Variants in RGS12 observed in about 807,000 individuals in gnomAD.
The protein encoded by RGS12 is regulator of G-protein signaling 12.
RGS12 carries 66 observed loss-of-function variants against 120.1 expected under a neutral mutation model. The ratio of observed to expected loss-of-function variants is 0.55; its 90% CI spans 0.45 to 0.67. The LOEUF (loss-of-function observed/expected upper bound fraction) is 0.67. Ranked by LOEUF, RGS12 falls within the 30% of genes least tolerant of loss-of-function variation. The probability of loss-of-function intolerance (pLI) is 0.00; values close to 1 mark genes in which losing one functional copy is unlikely to be tolerated. For missense variants in RGS12, 1,859 were observed against 1,957.7 expected, an observed-to-expected ratio of 0.95 and a Z score of 0.95; for synonymous variants, 827 against 804.7, an observed-to-expected ratio of 1.03 and a Z score of -0.47.
intron 3 of RGS12, among the ~76,000 whole-genome samples, chr4:3,377,462 G>GT (rs1452116102): frequency 2.0e-5 from 3 of 152,052 alleles, no homozygotes; most frequent in South Asian, 4.1e-4. Flanking sequence ...CCTTTGGTCC[G>GT]TTTTTTTAGG....
At chr4:3,422,734 C>G (rs1723158114) in intron 11 of RGS12, among the ~76,000 whole-genome samples, 164 bp downstream of exon 11, 1 of 152,232 alleles carries the variant, frequency 6.6e-6, no homozygotes, top group Non-Finnish European at 1.5e-5. Context: ...CTGCTGGGAG[C>G]ACTTTGCACG....
In RGS12 at chr4:3,374,586, C is replaced by CCCTCA. The variant is rs1717431818; in HGVS notation, c.1999-11829_1999-11825dup. Among the ~76,000 whole-genome samples the CCCTCA allele has an allele frequency of 6.6e-6, 1 of 152,038 alleles. No homozygotes were observed. Among genetic ancestry groups the CCCTCA allele is most frequent in the African/African-American group, 2.4e-5 (1 of 41,396 alleles). On this transcript the variant is annotated intron_variant, in intron 3 of 17. Coordinates refer to ENST00000336727, the MANE Select transcript of RGS12 (RefSeq NM_001394154.1). This position sits in a 1 kb window ranked among gnomAD's most constrained non-coding sequence, Gnocchi z 6.3. ...CTCCCCTCGCCTCCAGTGTACCCCTCCCTCAGTCTGCCACATCTCAGGAAG... is the reference window on the plus strand; with the variant it reads ...CTCCCCTCGCCTCCAGTGTACCCCTCCCTCACCTCAGTCTGCCACATCTCAGGAAG...
intron 2 of RGS12, among the ~76,000 whole-genome samples, chr4:3,332,021 G>C (rs546646344): frequency 6.6e-6 from 1 of 152,334 alleles, no homozygotes; most frequent in African/African-American, 2.4e-5. Context: ...GGGCTGGGAA[G>C]CAGTGGACAG....
intron 17 of RGS12, among the ~76,000 whole-genome samples, chr4:3,438,521 C>A (rs965221446): frequency 6.6e-6 from 1 of 152,064 alleles, no homozygotes; most frequent in Non-Finnish European, 1.5e-5. Context: ...GAGCTCCGGG[C>A]GGCACATGAA....
rs912849096 is a variant in RGS12, at chr4:3,431,659, C to T, written c.4114+704C>T. 1.2e-5 allele frequency: 12 copies of T among 985,546 alleles called. No homozygotes were observed. The South Asian group carries it at 1.4e-4, about 12-fold the overall frequency. The allele number at this position is 985,546 out of a possible 1,614,324, so 61.1% of individuals were successfully genotyped here. A position where few individuals can be genotyped will look rare whatever the true frequency, so the allele number is the denominator to read the frequency against. On this transcript the variant is annotated intron_variant, in intron 17 of 17. Coordinates refer to ENST00000336727, the MANE Select transcript of RGS12 (RefSeq NM_001394154.1). ...AAACTGAGGCGAGGCTCCCAGCAGC[C>T]GGTAGGGAAAGGTGTTTCCAGGGGT...
chr4:3,413,241 C>T (rs148561354), intron 4 of RGS12: 1 of 150,924 alleles, frequency 6.6e-6, no homozygotes, highest in South Asian at 2.1e-4. Flanking sequence ...GGGTGATGAA[C>T]GGGGATTTCC....
intron 3 of RGS12, among the ~76,000 whole-genome samples, chr4:3,373,731 T>C (rs985643752): frequency 6.6e-6 from 1 of 152,172 alleles, no homozygotes; most frequent in African/African-American, 2.4e-5. Flanking sequence ...CCCAGACCTC[T>C]GTTGCCCTGA....
the RGS12 span, among the ~76,000 whole-genome samples, chr4:3,287,186 C>T: frequency 2.0e-5 from 3 of 152,214 alleles, no homozygotes; most frequent in African/African-American, 7.2e-5. Context: ...CCCGGGAGGG[C>T]GGCGTTTGCG....
Position 3,340,895 on chromosome 4 carries a change from G to A in RGS12, c.1882-2042G>A, listed in dbSNP as rs576755649. Among the ~76,000 whole-genome samples, 3 of 152,262 alleles carry A rather than the reference G, an allele frequency of 2.0e-5. No individual in the cohort carries two copies. The South Asian group carries it at 6.2e-4, about 32-fold the overall frequency. ...CTTGGAGTGAGCTGGCAACTGTGGC[G>A]CCTCAGCTTGGAGTGTGCTTGACAC... On this transcript the variant is annotated intron_variant, in intron 2 of 17. Coordinates refer to ENST00000336727, the MANE Select transcript of RGS12 (RefSeq NM_001394154.1).
chr4:3,341,890 G>A (rs1334028241), intron 2 of RGS12, among the ~76,000 whole-genome samples: 1 of 149,834 alleles, frequency 6.7e-6, no homozygotes, highest in Admixed American at 6.6e-5. Flanking sequence ...GTGTGGGGCT[G>A]GGCCGTGACA....
At position 3,417,393 on chromosome 4, in the gene RGS12, T is replaced by G; in HGVS notation, c.2613T>G (p.Ser871Arg). 1 of 1,570,168 alleles carries G rather than the reference T, an allele frequency of 6.4e-7. No homozygotes were observed. The highest frequency in any genetic ancestry group is 1.4e-5 in the African/African-American group (1 of 72,814). ...HSSVSTPKKL[S>R]GKSKSGRSLN... ...AGGTTTCCATTTGATGACAGTTAAG[T>G]GGAAAATCAAAATCCGGCCGATCCC... The change falls in exon 9 of 18, where the codon AGT (serine) becomes AGG (arginine). Residue 871 changes from serine to arginine, a missense_variant. Ser to Arg is a moderately radical substitution (Grantham distance 110, BLOSUM62 -1). Coordinates refer to ENST00000336727, the MANE Select transcript of RGS12 (RefSeq NM_001394154.1).
At chr4:3,318,684 T>A (rs1724973105) in intron 2 of RGS12, among the ~76,000 whole-genome samples, 1 of 152,120 alleles carries the variant, frequency 6.6e-6, no homozygotes, top group Admixed American at 6.5e-5. Context: ...GGAGCTAAGT[T>A]TGGAGCAGGA....
chr4:3,402,456 G>A (rs558061499), intron 4 of RGS12, among the ~76,000 whole-genome samples: 2 of 152,264 alleles, frequency 1.3e-5, no homozygotes, highest in African/African-American at 4.8e-5. Context: ...TGCTGGGTAG[G>A]GTGCCCTTTC....
chr4:3,301,639 C>G (rs145258304), intron 1 of RGS12, among the ~76,000 whole-genome samples: 45 of 122,188 alleles, frequency 3.7e-4, no homozygotes, highest in African/African-American at 9.7e-4. Context: ...CGGGGATGGA[C>G]AGTGAGGCCG....
At chr4:3,339,878 C>T (rs1198176521) in intron 2 of RGS12, among the ~76,000 whole-genome samples, 2 of 152,144 alleles carry the variant, frequency 1.3e-5, no homozygotes, top group Non-Finnish European at 2.9e-5. Context: ...CTTCATGGCC[C>T]TCCCCAGCTC....
At chr4:3,420,430 A>C in intron 9 of RGS12, 1 of 617,128 alleles carries the variant, frequency 1.6e-6, no homozygotes, top group Non-Finnish European at 2.9e-6. Context: ...CATGGTGGGT[A>C]GAGCCTTGTT....
chr4:3,387,515 C>T (rs1577028951), intron 4 of RGS12, among the ~76,000 whole-genome samples: 1 of 152,358 alleles, frequency 6.6e-6, no homozygotes, highest in African/African-American at 2.4e-5. Context: ...TTGGGTTACA[C>T]ACGCACTGGC....
chr4:3,439,271 C>T (rs958193298), intron 17 of RGS12, among the ~76,000 whole-genome samples, 184 bp from the exon 18 acceptor site: 2 of 152,106 alleles, frequency 1.3e-5, no homozygotes, highest in African/African-American at 4.8e-5. Context: ...ACTGCACCTC[C>T]CCTGGGCGTA....
intron 4 of RGS12, among the ~76,000 whole-genome samples, chr4:3,406,719 C>T (rs186544839): frequency 1.3e-5 from 2 of 152,362 alleles, no homozygotes; most frequent in Admixed American, 6.5e-5. Context: ...CCAGGAGATC[C>T]TCTCAGAGAT....
Sources: allele counts gnomAD v4.1 joint callset (sites outside exome capture counted in the v4.1 genomes callset), GRCh38; gene constraint gnomAD v4.1.1; non-coding constraint Gnocchi (gnomAD v3.1); transcripts MANE v1.5; gene names NCBI Gene and HGNC (gene_info 2026-07-23, HGNC 2026-07-21).